The following SGCZ variants were observed in gnomAD, a reference collection of about 807,000 sequenced individuals.
The protein encoded by SGCZ is sarcoglycan zeta.
A neutral mutation model predicts 41.3 loss-of-function variants in SGCZ; 40 were observed. That is an observed-to-expected ratio of 0.97 (90% CI 0.75 to 1.26). SGCZ has a LOEUF of 1.26. Among genes scored for constraint, SGCZ ranks in the 50% most tolerant of loss-of-function variants. The pLI is 0.00. For synonymous variants in SGCZ, 206 were observed against 137.5 expected, an observed-to-expected ratio of 1.50 and a Z score of -3.49; for missense variants, 552 against 369.8, an observed-to-expected ratio of 1.49 and a Z score of -4.04.
intron 6 of SGCZ, among the ~76,000 whole-genome samples, chr8:14,104,619 A>G (rs1262293683): frequency 1.3e-5 from 2 of 152,136 alleles, no homozygotes; most frequent in Admixed American, 1.3e-4. Flanking sequence ...CTTTATCATT[A>G]TGTTCTTCTC....
chr8:15,053,314 C>T (rs544518502), intron 1 of SGCZ, among the ~76,000 whole-genome samples: 2 of 151,274 alleles, frequency 1.3e-5, no homozygotes, highest in Non-Finnish European at 2.9e-5. Context: ...CTGATATAGT[C>T]GTCACTATAT....
chr8:14,620,972 G>A (rs79842900), intron 1 of SGCZ, among the ~76,000 whole-genome samples: 51,481 of 151,874 alleles, frequency 0.34, 8,972 homozygotes, highest in East Asian at 0.6. Flanking sequence ...TCATGCTGCT[G>A]TAAAGACACA....
chr8:15,142,692 AC>A (rs1434922257), intron 1 of SGCZ, among the ~76,000 whole-genome samples: 3 of 148,708 alleles, frequency 2.0e-5, no homozygotes, highest in Non-Finnish European at 4.5e-5. Context: ...TCTCACTGTA[AC>A]CTCCGCCTCC....
intron 1 of SGCZ, among the ~76,000 whole-genome samples, chr8:14,786,863 T>C (rs987028959): frequency 1.4e-5 from 2 of 140,956 alleles, no homozygotes; most frequent in East Asian, 2.1e-4. Flanking sequence ...AAAAAACACA[T>C]AGATTAAGTA....
chr8:15,213,869 C>T (rs1247960205), intron 1 of SGCZ, among the ~76,000 whole-genome samples: 5 of 151,904 alleles, frequency 3.3e-5, no homozygotes, highest in African/African-American at 1.2e-4. Flanking sequence ...CCATATTTCT[C>T]TTTTTAAAAA....
intron 2 of SGCZ, among the ~76,000 whole-genome samples, chr8:14,385,827 T>C (rs1283998096): frequency 6.6e-6 from 1 of 152,168 alleles, no homozygotes; most frequent in Non-Finnish European, 1.5e-5. Flanking sequence ...CTCCTTAGTA[T>C]CTGACAGGGA....
At chr8:14,443,346 T>C (rs1490318210) in intron 2 of SGCZ, among the ~76,000 whole-genome samples, 1 of 152,120 alleles carries the variant, frequency 6.6e-6, no homozygotes. Context: ...AGAGCCCGCA[T>C]CGCCAAGTCA....
intron 1 of SGCZ, among the ~76,000 whole-genome samples, chr8:15,148,382 T>C (rs1799090774): frequency 6.6e-6 from 1 of 152,186 alleles, no homozygotes; most frequent in African/African-American, 2.4e-5. Context: ...GATGTCAGTT[T>C]GATTTTTGCT....
At chr8:14,540,747 A>T (rs1803440649) in intron 2 of SGCZ, among the ~76,000 whole-genome samples, 1 of 151,892 alleles carries the variant, frequency 6.6e-6, no homozygotes. Context: ...GTTCTGCTTC[A>T]TAAAATAATT....
intron 1 of SGCZ, among the ~76,000 whole-genome samples, chr8:14,842,171 T>C (rs117967792): frequency 0.019 from 2,844 of 151,378 alleles, 55 homozygotes; most frequent in Middle Eastern, 0.058. Context: ...AGGATAAATC[T>C]TCTGAAGTAA....
At chr8:14,202,114 G>T (rs532421817) in intron 4 of SGCZ, among the ~76,000 whole-genome samples, 23 of 152,184 alleles carry the variant, frequency 1.5e-4, no homozygotes, top group African/African-American at 5.1e-4. Flanking sequence ...GAATATGCTG[G>T]ATAATCCCAA....
chr8:14,142,729 G>A (rs950184850), intron 5 of SGCZ, among the ~76,000 whole-genome samples: 1 of 152,100 alleles, frequency 6.6e-6, no homozygotes, highest in Admixed American at 6.5e-5. Flanking sequence ...AGGTGACGAG[G>A]CCATGGAGGT....
At chr8:14,784,000 G>T (rs1800671377) in intron 1 of SGCZ, among the ~76,000 whole-genome samples, 1 of 150,910 alleles carries the variant, frequency 6.6e-6, no homozygotes, top group Non-Finnish European at 1.5e-5. Context: ...TAAAATAATT[G>T]TACCCTTTAA....
intron 3 of SGCZ, among the ~76,000 whole-genome samples, chr8:14,309,886 C>A (rs532059404): frequency 3.3e-5 from 5 of 151,516 alleles, no homozygotes; most frequent in Non-Finnish European, 7.4e-5. Flanking sequence ...TTTCTGCTAT[C>A]CCAATCAAAG....
At chr8:14,722,050 T>C (rs979483500) in intron 1 of SGCZ, among the ~76,000 whole-genome samples, 5 of 152,212 alleles carry the variant, frequency 3.3e-5, no homozygotes, top group Non-Finnish European at 7.3e-5. Flanking sequence ...TTCTCAGTAG[T>C]GTTCCCTGGT....
chr8:14,674,122 C>G (rs1055464871), intron 1 of SGCZ, among the ~76,000 whole-genome samples: 14 of 151,016 alleles, frequency 9.3e-5, no homozygotes, highest in African/African-American at 3.4e-4. Flanking sequence ...AAGTATAACT[C>G]AGAATAAAAC....
chr8:14,689,234 T>C (rs986898210), intron 1 of SGCZ, among the ~76,000 whole-genome samples: 1 of 152,112 alleles, frequency 6.6e-6, no homozygotes, highest in African/African-American at 2.4e-5. Context: ...AAAATCTATA[T>C]AGCTTTTTTG....
intron 4 of SGCZ, among the ~76,000 whole-genome samples, chr8:14,190,665 C>T (rs781024054): frequency 1.3e-5 from 2 of 151,960 alleles, no homozygotes; most frequent in African/African-American, 2.4e-5. Context: ...TGCAGTGACG[C>T]GATCTCGGCT....
At chr8:14,881,047 A>C (rs1804568901) in intron 1 of SGCZ, among the ~76,000 whole-genome samples, 1 of 152,186 alleles carries the variant, frequency 6.6e-6, no homozygotes, top group Admixed American at 6.5e-5. Flanking sequence ...ATTATTTACT[A>C]TGTGACCTTG....
Sources: allele counts gnomAD v4.1 joint callset (sites outside exome capture counted in the v4.1 genomes callset), GRCh38; gene constraint gnomAD v4.1.1; transcripts MANE v1.5; gene names NCBI Gene and HGNC (gene_info 2026-07-23, HGNC 2026-07-21).